Variants in RBM47 observed in about 807,000 individuals in gnomAD.
The protein encoded by RBM47 is RNA-binding protein 47.
In RBM47, 21 loss-of-function variants were observed where a neutral mutation model predicts 47.1. The ratio of observed to expected loss-of-function variants is 0.45; its 90% CI spans 0.32 to 0.64. The LOEUF is 0.64. Among genes scored for constraint, RBM47 ranks in the 30% least tolerant of loss-of-function variants. RBM47 has a pLI of 0.05. For synonymous variants in RBM47, 375 were observed against 361.7 expected (o/e 1.04, Z -0.42); for missense variants, 708 against 870.9 (o/e 0.81, Z 2.35).
At chr4:40,465,206 G>A (rs565061190) in intron 3 of RBM47, among the ~76,000 whole-genome samples, 1 of 152,256 alleles carries the variant, frequency 6.6e-6, no homozygotes, top group African/African-American at 2.4e-5. Context: ...GTCGCTGGCA[G>A]CCCCTCCCTG....
chr4:40,490,251 A>G (rs1189409943), intron 2 of RBM47, among the ~76,000 whole-genome samples: 1 of 152,168 alleles, frequency 6.6e-6, no homozygotes, highest in Non-Finnish European at 1.5e-5. Flanking sequence ...TCTATATGCA[A>G]CATTGTACTT....
intron 1 of RBM47, among the ~76,000 whole-genome samples, chr4:40,600,995 A>AAAAAAAAAAAAAAAAG (rs1735226130): frequency 6.9e-6 from 1 of 144,458 alleles, no homozygotes; most frequent in Non-Finnish European, 1.5e-5. Flanking sequence ...CAAAAAAAAA[A>AAAAAAAAAAAAAAAAG]AAAAAAAGAA....
chr4:40,598,848 CAAAAA>C (rs34007215), intron 1 of RBM47, among the ~76,000 whole-genome samples: 36 of 137,550 alleles, frequency 2.6e-4, no homozygotes, highest in Non-Finnish European at 4.1e-4. Context: ...CTTGTAAAAC[CAAAAA>C]AAAAAAAAAA....
chr4:40,585,731 CT>C (rs1733514276), intron 1 of RBM47, among the ~76,000 whole-genome samples: 1 of 152,216 alleles, frequency 6.6e-6, no homozygotes, highest in Admixed American at 6.5e-5. Context: ...AACCATGCCC[CT>C]GCTATCAGTA....
chr4:40,433,983 TGTGTGTGTGTGGGGCGGGG>T (rs773160505), intron 5 of RBM47, among the ~76,000 whole-genome samples: 6 of 88,938 alleles, frequency 6.7e-5, no homozygotes, highest in Admixed American at 3.0e-4. Context: ...TTTGTGTGAG[TGTGTGTGTGTGGGGCGGGG>T]GTGTGTGTGT....
chr4:40,581,703 G>A (rs1221267166), intron 1 of RBM47, among the ~76,000 whole-genome samples: 5 of 152,058 alleles, frequency 3.3e-5, no homozygotes, highest in African/African-American at 4.8e-5. Context: ...TGCCTTAAAA[G>A]ATAACCAGAG....
At chr4:40,551,327 C>A (rs1729542906) in intron 1 of RBM47, among the ~76,000 whole-genome samples, 1 of 152,184 alleles carries the variant, frequency 6.6e-6, no homozygotes, top group Non-Finnish European at 1.5e-5. Flanking sequence ...CATACTTTCA[C>A]TTTTGCAACG....
chr4:40,513,003 G>A (rs1725149263), intron 2 of RBM47, among the ~76,000 whole-genome samples: 1 of 152,156 alleles, frequency 6.6e-6, no homozygotes, highest in Non-Finnish European at 1.5e-5. Context: ...ATGACTTTCT[G>A]CTAAACTCAA....
In RBM47 at chr4:40,437,073, C is replaced by CAAAAAA. The variant is rs750922605; in HGVS notation, c.1124-432_1124-427dup. 1.5e-3 allele frequency among the ~76,000 whole-genome samples: 32 copies of CAAAAAA among 21,286 alleles called. 8 individuals are homozygous for CAAAAAA. The highest frequency in any genetic ancestry group is 6.0e-3 in the African/African-American group (27 of 4,464). 14.0% of individuals were successfully genotyped at this position (21,286 alleles called of 152,430 possible). ...TGGGGAGCATGGTGAGACCCTGTCT[C>CAAAAAA]AAAAAAAAAAAAAAAAAATATATAT... is the stretch of plus-strand genomic sequence containing the variant. On this transcript the variant is annotated intron_variant, in intron 4 of 6. Coordinates refer to ENST00000295971, the MANE Select transcript of RBM47 (RefSeq NM_001098634.2).
At chr4:40,620,215 A>C (rs1737136328) in intron 1 of RBM47, among the ~76,000 whole-genome samples, 1 of 133,594 alleles carries the variant, frequency 7.5e-6, no homozygotes, top group African/African-American at 2.7e-5. Flanking sequence ...AAAAAAAAAA[A>C]AAAAACTCTG....
intron 2 of RBM47, among the ~76,000 whole-genome samples, chr4:40,507,398 TA>T (rs887611626): frequency 1.3e-4 from 19 of 151,822 alleles, no homozygotes; most frequent in African/African-American, 2.7e-4. Context: ...AACCTGATCT[TA>T]AAAAAAAATT....
intron 2 of RBM47, among the ~76,000 whole-genome samples, chr4:40,536,412 A>G (rs893090136): frequency 1.3e-5 from 2 of 152,216 alleles, no homozygotes; most frequent in African/African-American, 4.8e-5. Flanking sequence ...TCAAGGTTCA[A>G]CGCTGACATT....
At chr4:40,488,549 T>C (rs543690223) in intron 2 of RBM47, among the ~76,000 whole-genome samples, 22 of 152,116 alleles carry the variant, frequency 1.4e-4, no homozygotes, top group Non-Finnish European at 2.4e-4. Flanking sequence ...GGCCGGCAAT[T>C]GGTCTGAGAA....
rs1217894579 is a variant in RBM47, at chr4:40,612,752, GC to G, written c.-240+16643del. ...TAAATTTGAAGGTATCTTATATTCAGCAAAAATGAGAGCTCATTCAGCTGCA... is the reference window on the plus strand; with the variant it reads ...TAAATTTGAAGGTATCTTATATTCAGAAAAATGAGAGCTCATTCAGCTGCA... On this transcript the variant is annotated intron_variant, in intron 1 of 6. Coordinates refer to ENST00000295971, the MANE Select transcript of RBM47 (RefSeq NM_001098634.2). 2.0e-5 allele frequency among the ~76,000 whole-genome samples: 3 copies of G among 152,088 alleles called. No individual in the cohort carries two copies. In the East Asian group the frequency reaches 5.8e-4, roughly 29 times the overall value.
intron 2 of RBM47, among the ~76,000 whole-genome samples, chr4:40,527,356 G>A (rs1008719566): frequency 9.3e-5 from 14 of 149,756 alleles, no homozygotes; most frequent in African/African-American, 3.0e-4. Flanking sequence ...GTGTGATCTC[G>A]GCTCACTGCA....
chr4:40,545,342 C>G (rs1274750317), intron 1 of RBM47, among the ~76,000 whole-genome samples: 1 of 147,438 alleles, frequency 6.8e-6, no homozygotes, highest in Non-Finnish European at 1.5e-5. Context: ...TGAGCCACGG[C>G]GCCCGGCCTG....
At chr4:40,508,120 G>A (rs1029334298) in intron 2 of RBM47, among the ~76,000 whole-genome samples, 1 of 152,224 alleles carries the variant, frequency 6.6e-6, no homozygotes, top group Admixed American at 6.5e-5. Flanking sequence ...GAAATCGGAG[G>A]TGGCGGAGCC....
chr4:40,536,417 G>A (rs1727986407), intron 2 of RBM47, among the ~76,000 whole-genome samples: 1 of 152,220 alleles, frequency 6.6e-6, no homozygotes, highest in Admixed American at 6.5e-5. Context: ...GTTCAACGCT[G>A]ACATTAGCTA....
intron 2 of RBM47, among the ~76,000 whole-genome samples, chr4:40,487,503 C>G (rs1721261831): frequency 6.6e-6 from 1 of 152,114 alleles, no homozygotes; most frequent in African/African-American, 2.4e-5. Flanking sequence ...GTTAGTCAGG[C>G]TGGTCTTGAA....
Sources: gnomAD v4.1 joint callset for allele counts (sites outside exome capture counted in the v4.1 genomes callset) on GRCh38, gnomAD v4.1.1 for gene constraint, MANE v1.5 for transcripts, NCBI Gene and HGNC (gene_info 2026-07-23, HGNC 2026-07-21) for gene names.